Variants in SPAG16 observed in about 807,000 individuals in gnomAD.
SPAG16 encodes sperm associated antigen 16.
A neutral mutation model predicts 80.4 loss-of-function variants in SPAG16; 86 were observed. The observed-to-expected ratio is 1.07, with a 90% CI of 0.90 to 1.28. The LOEUF (loss-of-function observed/expected upper bound fraction) is 1.28, where lower values mean the gene tolerates loss of function less well. SPAG16 is among the 50% of genes most tolerant of loss of function. The probability of loss-of-function intolerance (pLI) is 0.00; values close to 1 mark genes in which losing one functional copy is unlikely to be tolerated. For synonymous variants in SPAG16, 294 were observed against 265.9 expected (o/e 1.11, Z -1.03); for missense variants, 870 against 765.3 (o/e 1.14, Z -1.61).
At chr2:213,544,983 C>T (rs777582597) in intron 10 of SPAG16, among the ~76,000 whole-genome samples, 3 of 152,044 alleles carry the variant, frequency 2.0e-5, no homozygotes, top group African/African-American at 7.2e-5. Context: ...TATAAACATC[C>T]GTGTGCAGGT....
intron 5 of SPAG16, among the ~76,000 whole-genome samples, chr2:213,329,217 A>T (rs1461796267): frequency 4.6e-5 from 7 of 152,220 alleles, no homozygotes; most frequent in African/African-American, 1.7e-4. Flanking sequence ...AAAATGTGAA[A>T]GTGACTTTAG....
chr2:214,111,240 C>T (rs1484950680), intron 14 of SPAG16, among the ~76,000 whole-genome samples: 1 of 152,100 alleles, frequency 6.6e-6, no homozygotes, highest in African/African-American at 2.4e-5. Context: ...CCTAGGTTTT[C>T]CTCTAGGGTT....
At chr2:213,648,081 T>C (rs2125136414) in intron 10 of SPAG16, among the ~76,000 whole-genome samples, 1 of 152,358 alleles carries the variant, frequency 6.6e-6, no homozygotes, top group South Asian at 2.1e-4. Context: ...AAGAACTTTG[T>C]ATTTATCTAT....
chr2:213,956,296 T>G (rs2044132080), intron 12 of SPAG16, among the ~76,000 whole-genome samples: 1 of 151,976 alleles, frequency 6.6e-6, no homozygotes, highest in African/African-American at 2.4e-5. Context: ...CTCTTTTTTG[T>G]TTATCTCTGC....
At chr2:213,973,789 G>T (rs9789347) in intron 12 of SPAG16, among the ~76,000 whole-genome samples, 32,004 of 151,828 alleles carry the variant, frequency 0.21, 3,965 homozygotes, top group South Asian at 0.41. Flanking sequence ...GGTGTTTTGT[G>T]GATATTGCTC....
chr2:213,981,083 T>C (rs1216528861), intron 12 of SPAG16, among the ~76,000 whole-genome samples: 1 of 152,118 alleles, frequency 6.6e-6, no homozygotes, highest in African/African-American at 2.4e-5. Context: ...GCCAGCTGAC[T>C]CACTTCTTGT....
intron 10 of SPAG16, among the ~76,000 whole-genome samples, chr2:213,490,834 G>C (rs1451919160): frequency 2.6e-5 from 4 of 152,044 alleles, no homozygotes; most frequent in Non-Finnish European, 4.4e-5. Context: ...AGAAATCTAA[G>C]ACTTATACAA....
rs146663363 is a variant in SPAG16, at chr2:214,007,119, T to C, written c.1401-6832T>C. Among the ~76,000 whole-genome samples the C allele has an allele frequency of 2.9e-3, 439 of 152,334 alleles. 5 individuals are homozygous for C. The highest frequency in any genetic ancestry group is 6.3e-3 in the Admixed American group (97 of 15,298). ...TATAAATTCTCTGTGTATATACATTTGTTAGATTATCATTGTAATAACACA... is the reference window on the plus strand; with the variant it reads ...TATAAATTCTCTGTGTATATACATTCGTTAGATTATCATTGTAATAACACA... On this transcript the variant is annotated intron_variant, in intron 12 of 15. Coordinates refer to ENST00000331683, the MANE Select transcript of SPAG16 (RefSeq NM_024532.5).
chr2:213,521,611 A>G (rs1024108919), intron 10 of SPAG16, among the ~76,000 whole-genome samples: 2 of 152,232 alleles, frequency 1.3e-5, no homozygotes, highest in African/African-American at 2.4e-5. Context: ...TGCAGGACAG[A>G]TATTCTTGCA....
In SPAG16 at chr2:214,172,923, C is replaced by A. The variant is rs186041463; in HGVS notation, c.1720+23657C>A. ...TCTTTTGAGAAGTGTCTGTTCATGT[C>A]CCTTGCCCACTGTTGGATGGGGTTG... On this transcript the variant is annotated intron_variant, in intron 15 of 15. Transcript: ENST00000331683. 6.0e-4 allele frequency among the ~76,000 whole-genome samples: 91 copies of A among 152,202 alleles called. 2 individuals are homozygous for A. In the East Asian group the frequency reaches 0.016, roughly 27 times the overall value.
At chr2:214,326,813 C>T (rs1243254070) in intron 15 of SPAG16, among the ~76,000 whole-genome samples, 2 of 151,666 alleles carry the variant, frequency 1.3e-5, no homozygotes, top group Admixed American at 6.6e-5. Flanking sequence ...GGCGTGGTGG[C>T]GGGCGCCTGT....
chr2:213,986,216 C>T (rs2045993551), intron 12 of SPAG16, among the ~76,000 whole-genome samples: 1 of 151,970 alleles, frequency 6.6e-6, no homozygotes, highest in Non-Finnish European at 1.5e-5. Flanking sequence ...TTGAATTGCC[C>T]AGCGTCCAGG....
intron 3 of SPAG16, among the ~76,000 whole-genome samples, chr2:213,303,057 T>A (rs973982586): frequency 6.6e-6 from 1 of 152,116 alleles, no homozygotes; most frequent in African/African-American, 2.4e-5. Context: ...GTATAATGAA[T>A]GTTCACTTCC....
At chr2:214,138,833 A>G (rs911916898) in intron 14 of SPAG16, among the ~76,000 whole-genome samples, 1 of 152,162 alleles carries the variant, frequency 6.6e-6, no homozygotes, top group Non-Finnish European at 1.5e-5. Flanking sequence ...TACCTGAGCC[A>G]GATTCCTACC....
chr2:213,749,617 T>C (rs746094993), intron 10 of SPAG16, among the ~76,000 whole-genome samples: 8 of 152,246 alleles, frequency 5.3e-5, no homozygotes, highest in South Asian at 2.1e-4. Context: ...ATACTATAGA[T>C]TTAAATAAAA....
At chr2:214,327,274 A>G (rs1260859795) in intron 15 of SPAG16, among the ~76,000 whole-genome samples, 1 of 152,222 alleles carries the variant, frequency 6.6e-6, no homozygotes, top group African/African-American at 2.4e-5. Flanking sequence ...GAAGTAGTTA[A>G]GAATAAAGGT....
chr2:214,307,169 CAT>C (rs1559199573), intron 15 of SPAG16, among the ~76,000 whole-genome samples: 1 of 152,112 alleles, frequency 6.6e-6, no homozygotes, highest in Non-Finnish European at 1.5e-5. Context: ...AGTTTATGTG[CAT>C]AGAGGTGTTC....
At chr2:213,829,792 G>A (rs1028496113) in intron 10 of SPAG16, among the ~76,000 whole-genome samples, 1 of 152,148 alleles carries the variant, frequency 6.6e-6, no homozygotes, top group Non-Finnish European at 1.5e-5. Context: ...ATCTAGAAAT[G>A]TCATGCAGGA....
At chr2:213,827,053 C>A (rs2073349140) in intron 10 of SPAG16, among the ~76,000 whole-genome samples, 1 of 151,394 alleles carries the variant, frequency 6.6e-6, no homozygotes, top group Non-Finnish European at 1.5e-5. Context: ...TTTTTCCATC[C>A]CTTTATTTTC....
Sources: allele counts gnomAD v4.1 joint callset (sites outside exome capture counted in the v4.1 genomes callset), GRCh38; gene constraint gnomAD v4.1.1; transcripts MANE v1.5; gene names NCBI Gene and HGNC (gene_info 2026-07-23, HGNC 2026-07-21).